MAP2K7: variants seen among roughly 807,000 people sequenced by gnomAD.
MAP2K7 encodes the protein mitogen-activated protein kinase kinase 7, also known as dual specificity mitogen-activated protein kinase kinase 7.
MAP2K7 carries 12 observed loss-of-function variants against 47.7 expected under a neutral mutation model. That is an observed-to-expected ratio of 0.25 (90% confidence interval 0.16 to 0.41). The LOEUF is 0.41. MAP2K7 is among the 10% of genes least tolerant of loss of function. The probability of loss-of-function intolerance (pLI) is 1.00; values close to 1 mark genes in which losing one functional copy is unlikely to be tolerated. For missense variants in MAP2K7, 415 were observed against 600.3 expected, an observed-to-expected ratio of 0.69 and a Z score of 3.23; for synonymous variants, 299 against 243.0, an observed-to-expected ratio of 1.23 and a Z score of -2.14.
Position 7,911,077 on chromosome 19 carries a change from A to G in MAP2K7, c.773A>G (p.Lys258Arg). The stretch of plus-strand genomic sequence containing the variant: ...CTGCTGGACGAGCGGGGCCAGATCA[A>G]GCTCTGCGACTTCGGCATCAGCGGC... ...NILLDERGQI[K>R]LCDFGISGRL... The change falls in exon 7 of 11, where the codon AAG becomes AGG. Residue 258 changes from lysine to arginine, a missense_variant. Physicochemically the swap from Lys to Arg is conservative, Grantham distance 26. Around this residue, in one of 3 missense-constraint regions of MAP2K7, gnomAD observed 206 missense variants for 368.8 expected, o/e 0.56. Coordinates refer to ENST00000397979, the MANE Select transcript of MAP2K7 (RefSeq NM_145185.4). 6.2e-7 allele frequency: 1 copy of G among 1,612,628 alleles called. No individual in the cohort carries two copies. Among genetic ancestry groups the G allele is most frequent in the Non-Finnish European group, 8.5e-7 (1 of 1,179,888 alleles).
rs1329467747 is a variant in MAP2K7 at position 7,912,695 on chromosome 19, C to G, written c.*264C>G. 1.9e-6 allele frequency: 1 copy of G among 538,300 alleles called. No homozygotes were observed. The highest frequency in any genetic ancestry group is 1.9e-5 in the African/African-American group (1 of 52,508). 33.3% of individuals were successfully genotyped at this position (538,300 alleles called of 1,614,324 possible). Reference sequence around the variant, plus strand: ...AGACAGCAGGCCGCGATCAGAGTCGCTGTTCATTCAGCCGCAGCCTCTGGG... The same window carrying G: ...AGACAGCAGGCCGCGATCAGAGTCGGTGTTCATTCAGCCGCAGCCTCTGGG... On this transcript the variant is annotated 3_prime_UTR_variant, in exon 11 of 11. Coordinates refer to ENST00000397979, the MANE Select transcript of MAP2K7 (RefSeq NM_145185.4).
intron 9 of MAP2K7, 27 bp from the exon 10 acceptor site, chr19:7,912,122 C>A (rs200445181): frequency 1.2e-6 from 2 of 1,612,000 alleles, no homozygotes; most frequent in Non-Finnish European, 8.5e-7. Flanking sequence ...CTCGTTCTCA[C>A]ATCTGTCTTC....
In MAP2K7 at chr19:7,903,905, G is replaced by A; in HGVS notation, c.-40G>A. 6.9e-7 allele frequency: 1 copy of A among 1,444,708 alleles called. No individual in the cohort carries two copies. Among genetic ancestry groups the A allele is most frequent in the Non-Finnish European group, 9.2e-7 (1 of 1,085,922 alleles). The allele number at this position is 1,444,708 out of a possible 1,614,324, so 89.5% of individuals were successfully genotyped here. On this transcript the variant is annotated 5_prime_UTR_variant, in exon 1 of 11. Coordinates refer to ENST00000397979, the MANE Select transcript of MAP2K7 (RefSeq NM_145185.4). The stretch of plus-strand genomic sequence containing the variant: ...GCGGTGTTTGTCTGCCGGACTGACG[G>A]GCGGCCGGGCGGTGCGCGGCGGCGG...
intron 1 of MAP2K7, among the ~76,000 whole-genome samples, 191 bp downstream of exon 1, chr19:7,904,259 G>T (rs1177037793): frequency 6.6e-6 from 1 of 152,134 alleles, no homozygotes; most frequent in African/African-American, 2.4e-5. Context: ...AGCTCCGGGG[G>T]GTTCGCACCC....
chr19:7,911,648 A>G (rs1207569332), intron 9 of MAP2K7, 70 bp downstream of exon 9: 32 of 1,449,932 alleles, frequency 2.2e-5, no homozygotes, highest in Non-Finnish European at 2.9e-5. Flanking sequence ...AGGCAATGGC[A>G]GGAGGGGAAT....
At chr19:7,906,463 G>C (rs1304408274) in intron 1 of MAP2K7, 2 of 153,066 alleles carry the variant, frequency 1.3e-5, no homozygotes. Flanking sequence ...ATTGAACAAA[G>C]CCTCTGGGGA....
In MAP2K7 at chr19:7,912,208, C is replaced by G. The variant is rs1177473115; in HGVS notation, c.1125+14C>G. The G allele has an allele frequency of 1.2e-6, 2 of 1,613,752 alleles. No homozygotes were observed. The highest frequency in any genetic ancestry group is 1.3e-5 in the African/African-American group (1 of 74,952). On this transcript the variant is annotated intron_variant, in intron 10 of 10. Transcript: ENST00000397979. ...AATAAGCTACTTGTGAGTACCTGAG[C>G]CCTCCCAGTCCCCGTCCTGTCCCTG...
chr19:7,910,813 C>G lies in MAP2K7; in HGVS notation c.675+10C>G, dbSNP rs773375346. 1.3e-6 allele frequency: 2 copies of G among 1,584,230 alleles called. No homozygotes were observed. The highest frequency in any genetic ancestry group is 2.3e-5 in the East Asian group (1 of 44,390). On this transcript the variant is annotated intron_variant, in intron 6 of 10. Transcript: ENST00000397979. ...CAAGATGACAGTGGCGGTGAGTGAC[C>G]AGGCGGGGCTTGCACTGGGCAGGAT... is the stretch of plus-strand genomic sequence containing the variant.
chr19:7,905,637 C>G (rs1193464710), intron 1 of MAP2K7, among the ~76,000 whole-genome samples: 1 of 152,180 alleles, frequency 6.6e-6, no homozygotes, highest in Non-Finnish European at 1.5e-5. Flanking sequence ...TGTGTCAACT[C>G]CATCCCATCC....
At chr19:7,907,772 T>A (rs1982560147) in intron 1 of MAP2K7, among the ~76,000 whole-genome samples, 1 of 151,862 alleles carries the variant, frequency 6.6e-6, no homozygotes, top group South Asian at 2.1e-4. Context: ...CGTCAACCGC[T>A]GAGTGCAGGG....
chr19:7,905,822 C>T (rs1326096742), intron 1 of MAP2K7: 1 of 1,611,808 alleles, frequency 6.2e-7, no homozygotes, highest in South Asian at 1.1e-5. Context: ...TGTGATCACT[C>T]TAAGCCCTGC....
chr19:7,909,674 C>A, intron 1 of MAP2K7, 81 bp from the exon 2 acceptor site: 1 of 797,754 alleles, frequency 1.3e-6, no homozygotes, highest in South Asian at 1.7e-5. Context: ...GGGTCCCGAC[C>A]CCTCCCTGGA....
intron 1 of MAP2K7, among the ~76,000 whole-genome samples, chr19:7,905,617 C>T (rs781517510): frequency 6.6e-6 from 1 of 152,156 alleles, no homozygotes; most frequent in Non-Finnish European, 1.5e-5. Context: ...CCCCTCCAGG[C>T]GTCTCTGTCT....
At position 7,910,676 on chromosome 19, in the gene MAP2K7, G is replaced by A. The variant is rs755679098; in HGVS notation, c.568-20G>A. The A allele has an allele frequency of 3.5e-5, 56 of 1,606,312 alleles. No individual in the cohort carries two copies. The highest frequency in any genetic ancestry group is 3.3e-4 in the Middle Eastern group (2 of 6,056). ...GTGGGCCGGAAGACACAGCTCCCCC[G>A]GGTGCCCCTCTCCCTGCAGACGGAC... is the stretch of plus-strand genomic sequence containing the variant. On this transcript the variant is annotated intron_variant, in intron 5 of 10. Coordinates refer to ENST00000397979, the MANE Select transcript of MAP2K7 (RefSeq NM_145185.4).
rs1035561853 is a variant in MAP2K7 at position 7,912,971 on chromosome 19, G to A, written c.*540G>A. 8.2e-5 allele frequency: 13 copies of A among 158,136 alleles called. No individual in the cohort carries two copies. Among genetic ancestry groups the A allele is most frequent in the Non-Finnish European group, 1.4e-4 (10 of 71,368 alleles). 9.8% of individuals were successfully genotyped at this position (158,136 alleles called of 1,614,324 possible). On this transcript the variant is annotated 3_prime_UTR_variant, in exon 11 of 11. Transcript: ENST00000397979. ...TGGGTCTGCATAGGTCTCCCATGGCGCAATGAGTCAGTGGCCCCCAGCCAG... is the reference window on the plus strand; with the variant it reads ...TGGGTCTGCATAGGTCTCCCATGGCACAATGAGTCAGTGGCCCCCAGCCAG...
At chr19:7,910,915 G>A in intron 6 of MAP2K7, 65 bp from the exon 7 acceptor site, 1 of 1,586,458 alleles carries the variant, frequency 6.3e-7, no homozygotes, top group Non-Finnish European at 8.6e-7. Context: ...GGTGGGGCGT[G>A]CACCGGGCAG....
In MAP2K7 at chr19:7,911,258, C is replaced by T; in HGVS notation, c.864C>T (p.Arg288=). The stretch of plus-strand genomic sequence containing the variant: ...TCCTCCCCCCCCTGCAGCCCGAGCG[C>T]ATTGACCCCCCAGACCCCACCAAGC... The part of the protein sequence containing the change: ...AGCAAYMAPE[R]IDPPDPTKPD... Residue 288 remains arginine (R), a synonymous_variant, in exon 8 of 11, where the codon CGC becomes CGT. Coordinates refer to ENST00000397979, the MANE Select transcript of MAP2K7 (RefSeq NM_145185.4). The T allele has an allele frequency of 2.5e-6, 4 of 1,612,416 alleles. No individual in the cohort carries two copies. Among genetic ancestry groups the T allele is most frequent in the Non-Finnish European group, 3.4e-6 (4 of 1,179,424 alleles).
Position 7,909,421 on chromosome 19 carries a change from G to A in MAP2K7, c.125-334G>A, listed in dbSNP as rs189171710. Among the ~76,000 whole-genome samples the A allele has an allele frequency of 7.2e-4, 110 of 152,340 alleles. 1 individual carries two copies. Among genetic ancestry groups the A allele is most frequent in the Admixed American group, 1.3e-3 (20 of 15,310 alleles). On this transcript the variant is annotated intron_variant, in intron 1 of 10. Coordinates refer to ENST00000397979, the MANE Select transcript of MAP2K7 (RefSeq NM_145185.4). ...TTCCTGGGCAGAAGTGGGAGGAAGT[G>A]CACACACCTGTCAGGGAGGCCCCCT...
chr19:7,904,500 G>A, intron 1 of MAP2K7: 1 of 326,398 alleles, frequency 3.1e-6, no homozygotes, highest in Non-Finnish European at 6.1e-6. Flanking sequence ...TCAGCCCCGT[G>A]CAGCGACGAT....
Sources: allele counts gnomAD v4.1 joint callset (sites outside exome capture counted in the v4.1 genomes callset), GRCh38; gene constraint gnomAD v4.1.1; regional missense constraint gnomAD v4.1.1; transcripts MANE v1.5; gene names NCBI Gene and HGNC (gene_info 2026-07-23, HGNC 2026-07-21).